LRFN1: variants seen among roughly 807,000 people sequenced by gnomAD.
LRFN1 encodes leucine rich repeat and fibronectin type III domain containing 1, also known as leucine-rich repeat and fibronectin type III domain-containing protein 1.
In LRFN1, 20 loss-of-function variants were observed where a neutral mutation model predicts 31.8. That is an observed-to-expected ratio of 0.63 (90% CI 0.44 to 0.91). The LOEUF is 0.91. LRFN1 is among the 40% of genes least tolerant of loss of function. LRFN1 has a pLI of 0.00. For synonymous variants in LRFN1, 514 were observed against 541.3 expected, an observed-to-expected ratio of 0.95 and a Z score of 0.70; for missense variants, 912 against 1,129.8, an observed-to-expected ratio of 0.81 and a Z score of 2.76.
At position 39,308,629 on chromosome 19, in the gene LRFN1, G is replaced by A; in HGVS notation, c.1407-87C>T. The A allele has an allele frequency of 8.3e-7, 1 of 1,204,578 alleles. No individual in the cohort carries two copies. The highest frequency in any genetic ancestry group is 1.1e-6 in the Non-Finnish European group (1 of 884,546). The allele number at this position is 1,204,578 out of a possible 1,614,324, so 74.6% of individuals were successfully genotyped here. A position where few individuals can be genotyped will look rare whatever the true frequency, so the allele number is the denominator to read the frequency against. ...TGCCCCGCCCATGGTGAACAGTGGG[G>A]ACTAAACCCTGCTATCGAAGTCTCA... On this transcript the variant is annotated intron_variant, in intron 4 of 4. Transcript: ENST00000248668. The surrounding 1 kb of genome is among the most constrained non-coding windows in gnomAD (Gnocchi z 6.2).
intron 1 of LRFN1, among the ~76,000 whole-genome samples, chr19:39,319,953 G>A (rs1239979289): frequency 6.6e-6 from 1 of 151,810 alleles, no homozygotes; most frequent in Non-Finnish European, 1.5e-5. Context: ...CTCTGGCTCC[G>A]TCTGCAGATG....
rs1164967919 is a variant in LRFN1, at chr19:39,306,919, G to C, written c.*714C>G. On this transcript the variant is annotated 3_prime_UTR_variant, in exon 5 of 5. Transcript: ENST00000248668. The stretch of plus-strand genomic sequence containing the variant: ...TTTTGTTCGTGTGGGGATTTATTTG[G>C]GAGAGTCTGGTCCTTCCAGTGGGAC... The C allele has an allele frequency of 1.1e-5, 2 of 176,420 alleles. No individual in the cohort carries two copies. The highest frequency in any genetic ancestry group is 4.7e-5 in the African/African-American group (2 of 42,408). 10.9% of individuals were successfully genotyped at this position (176,420 alleles called of 1,614,324 possible).
At position 39,307,831 on chromosome 19, in the gene LRFN1, G is replaced by A. The variant is rs375012875; in HGVS notation, c.2118C>T (p.Phe706=). 1.1e-4 allele frequency: 172 copies of A among 1,496,580 alleles called. 1 individual carries two copies. The African/African-American group carries it at 2.4e-3, about 21-fold the overall frequency. The allele number at this position is 1,496,580 out of a possible 1,614,324, so 92.7% of individuals were successfully genotyped here. ...ARPRPQQRYS[F]DGDYGALFQS... ...GGAATAGTGCCCCGTAGTCCCCGTC[G>A]AACGAATAGCGCTGCTGCGGCCTCG... The change falls in exon 5 of 5, where the codon TTC becomes TTT. Residue 706 remains phenylalanine (F), a synonymous_variant. Transcript: ENST00000248668. This position sits in a 1 kb window ranked among gnomAD's most constrained non-coding sequence, Gnocchi z 6.7.
chr19:39,310,226 G>A (rs1423275517), intron 4 of LRFN1, among the ~76,000 whole-genome samples: 4 of 152,212 alleles, frequency 2.6e-5, no homozygotes, highest in Non-Finnish European at 5.9e-5. Context: ...CCAAAGTGCT[G>A]GGATTACAGT....
At chr19:39,309,220 C>A (rs935442312) in intron 4 of LRFN1, among the ~76,000 whole-genome samples, 3 of 152,108 alleles carry the variant, frequency 2.0e-5, no homozygotes, top group Admixed American at 6.6e-5. Context: ...CTTTGGAAGG[C>A]TAAGAAGGGT....
intron 4 of LRFN1, among the ~76,000 whole-genome samples, chr19:39,312,026 C>T (rs1314497237): frequency 6.6e-6 from 1 of 152,052 alleles, no homozygotes; most frequent in Non-Finnish European, 1.5e-5. Context: ...CGTGCCACCA[C>T]ATCTGCCTAA....
In LRFN1 at chr19:39,308,677, C is replaced by T. The variant is rs913136770; in HGVS notation, c.1407-135G>A. The T allele has an allele frequency of 1.3e-6, 1 of 782,308 alleles. No individual in the cohort carries two copies. Among genetic ancestry groups the T allele is most frequent in the Non-Finnish European group, 2.0e-6 (1 of 503,030 alleles). 48.5% of individuals were successfully genotyped at this position (782,308 alleles called of 1,614,324 possible). On this transcript the variant is annotated intron_variant, in intron 4 of 4. Coordinates refer to ENST00000248668, the MANE Select transcript of LRFN1 (RefSeq NM_020862.2). The surrounding 1 kb of genome is among the most constrained non-coding windows in gnomAD (Gnocchi z 6.2). ...TCAGCCGCTACTGAGACAACAGCAG[C>T]AATTCAAGCCCCGCCTCCATCAACA... is the stretch of plus-strand genomic sequence containing the variant.
intron 4 of LRFN1, among the ~76,000 whole-genome samples, chr19:39,309,066 C>T (rs1452037459): frequency 2.6e-5 from 4 of 152,216 alleles, no homozygotes; most frequent in South Asian, 2.1e-4. Context: ...ACAATGGATG[C>T]TCTTCTAGTT....
chr19:39,311,875 C>CT (rs562002567), intron 4 of LRFN1, among the ~76,000 whole-genome samples: 7,175 of 100,400 alleles, frequency 0.071, 739 homozygotes, highest in African/African-American at 0.23. Context: ...AAAAGGGAGG[C>CT]TTTTTTTTTT....
intron 1 of LRFN1, among the ~76,000 whole-genome samples, chr19:39,319,454 C>CAA (rs2075181312): frequency 6.6e-6 from 1 of 151,796 alleles, no homozygotes; most frequent in African/African-American, 2.4e-5. Flanking sequence ...CACACACACA[C>CAA]AAAACCACAA....
rs201576239 is a variant in LRFN1 at position 39,314,873 on chromosome 19, G to A, written c.464C>T (p.Ala155Val). ...GNNQIRRVES[A>V]AFDAFLSTVE... The stretch of plus-strand genomic sequence containing the variant: ...GGTGGACAGGAAGGCGTCAAAGGCC[G>A]CCGACTCCACCCGGCGGATCTGGTT... Residue 155 changes from alanine (A) to valine (V), a missense_variant, in exon 4 of 5, where the codon GCG (alanine) becomes GTG (valine). Ala to Val is a moderately conservative substitution (Grantham distance 64). Transcript: ENST00000248668. 7.5e-5 allele frequency: 120 copies of A among 1,609,766 alleles called. No individual in the cohort carries two copies. Among genetic ancestry groups the A allele is most frequent in the Middle Eastern group, 1.6e-4 (1 of 6,082 alleles).
rs754226848 is a variant in LRFN1 at position 39,314,705 on chromosome 19, T to C, written c.632A>G (p.Lys211Arg). 9 of 1,613,292 alleles carry C rather than the reference T, an allele frequency of 5.6e-6. No individual in the cohort carries two copies. Among genetic ancestry groups the C allele is most frequent in the Non-Finnish European group, 6.8e-6 (8 of 1,179,542 alleles). ...GGAGGTCATGTCCAGACGGACCAGC[T>C]TGTGAAGCTGCACGAAGGTCCCCTC... is the stretch of plus-strand genomic sequence containing the variant. ...IAEGTFVQLH[K>R]LVRLDMTSNR... The change falls in exon 4 of 5, where the codon AAG (lysine) becomes AGG (arginine). Residue 211 changes from lysine (K) to arginine (R), a missense_variant. By Grantham distance (26) the Lys-to-Arg change is conservative (BLOSUM62 2). This residue lies in a region of LRFN1 where 401 missense variants were observed against 572.7 expected (regional missense o/e 0.70). Coordinates refer to ENST00000248668, the MANE Select transcript of LRFN1 (RefSeq NM_020862.2).
chr19:39,307,578 G>T lies in LRFN1; in HGVS notation c.*55C>A. 7.4e-7 allele frequency: 1 copy of T among 1,349,392 alleles called. No homozygotes were observed. Among genetic ancestry groups the T allele is most frequent in the Non-Finnish European group, 9.5e-7 (1 of 1,053,354 alleles). 83.6% of individuals were successfully genotyped at this position (1,349,392 alleles called of 1,614,324 possible). ...TTCTCCCAGTCCCGCCCCAGCGTCCGTGCGGCTGGGCGTTTGGTCTGCGGC... is the reference window on the plus strand; with the variant it reads ...TTCTCCCAGTCCCGCCCCAGCGTCCTTGCGGCTGGGCGTTTGGTCTGCGGC... On this transcript the variant is annotated 3_prime_UTR_variant, in exon 5 of 5. Transcript: ENST00000248668. The surrounding 1 kb of genome is among the most constrained non-coding windows in gnomAD (Gnocchi z 6.7).
At position 39,307,600 on chromosome 19, in the gene LRFN1, C is replaced by T. The variant is rs993188357; in HGVS notation, c.*33G>A. 1.0e-5 allele frequency: 14 copies of T among 1,376,788 alleles called. No individual in the cohort carries two copies. The highest frequency in any genetic ancestry group is 1.3e-5 in the Non-Finnish European group (14 of 1,072,432). The allele number at this position is 1,376,788 out of a possible 1,614,324, so 85.3% of individuals were successfully genotyped here. A position where few individuals can be genotyped will look rare whatever the true frequency, so the allele number is the denominator to read the frequency against. ...TCCGTGCGGCTGGGCGTTTGGTCTG[C>T]GGCACCCAGGCGTCCCGGCGCCCGC... On this transcript the variant is annotated 3_prime_UTR_variant, in exon 5 of 5. Transcript: ENST00000248668. This position sits in a 1 kb window ranked among gnomAD's most constrained non-coding sequence, Gnocchi z 6.7.
chr19:39,307,893 T>G lies in LRFN1; in HGVS notation c.2056A>C (p.Thr686Pro). 6.4e-7 allele frequency: 1 copy of G among 1,563,286 alleles called. No homozygotes were observed. The change falls in exon 5 of 5, where the codon ACT becomes CCT. Residue 686 changes from threonine (T) to proline (P), a missense_variant. By Grantham distance (38) the Thr-to-Pro change is conservative. This residue lies in a region of LRFN1 where 511 missense variants were observed against 557.0 expected (regional missense o/e 0.92). Coordinates refer to ENST00000248668, the MANE Select transcript of LRFN1 (RefSeq NM_020862.2). This position sits in a 1 kb window ranked among gnomAD's most constrained non-coding sequence, Gnocchi z 6.7. Reference sequence around the variant, plus strand: ...GCTCCCCCAGGAACTAGAGCTAGAGTAGGGGGCGCCGAGGTTGGTGGCTCC... The same window carrying G: ...GCTCCCCCAGGAACTAGAGCTAGAGGAGGGGGCGCCGAGGTTGGTGGCTCC... ...ALEPPTSAPPTLALVPGGAAA... is the reference protein window; with the variant it reads ...ALEPPTSAPPPLALVPGGAAA...
In LRFN1 at chr19:39,314,062, C is replaced by G. The variant is rs750732648; in HGVS notation, c.1275G>C (p.Glu425Asp). 13 of 1,612,180 alleles carry G rather than the reference C, an allele frequency of 8.1e-6. No individual in the cohort carries two copies. Among genetic ancestry groups the G allele is most frequent in the Non-Finnish European group, 1.1e-5 (13 of 1,179,744 alleles). The change falls in exon 4 of 5, where the codon GAG (glutamate) becomes GAC (aspartate). Residue 425 changes from glutamate (E) to aspartate (D), a missense_variant. Glu to Asp is a conservative substitution (Grantham distance 45). Coordinates refer to ENST00000248668, the MANE Select transcript of LRFN1 (RefSeq NM_020862.2). ...GRPGANDSAA[E>D]RRLVAAELTS... ...TGAGCTCGGCTGCCACGAGCCGACG[C>G]TCAGCCGCAGAATCGTTGGCACCTG...
At chr19:39,312,139 G>C (rs1568568824) in intron 4 of LRFN1, among the ~76,000 whole-genome samples, 1 of 152,014 alleles carries the variant, frequency 6.6e-6, no homozygotes, top group Non-Finnish European at 1.5e-5. Context: ...CAAAATGCTG[G>C]GATTATAGGC....
chr19:39,316,660 A>G (rs1480487606), intron 2 of LRFN1, among the ~76,000 whole-genome samples: 1 of 152,128 alleles, frequency 6.6e-6, no homozygotes, highest in African/African-American at 2.4e-5. Context: ...GCTCCCAAGC[A>G]AGGCAGACTT....
At chr19:39,320,443 C>T (rs1032103473) in intron 1 of LRFN1, among the ~76,000 whole-genome samples, 4 of 151,898 alleles carry the variant, frequency 2.6e-5, no homozygotes, top group Non-Finnish European at 5.9e-5. Context: ...CGCACATGGG[C>T]TTGGGGGGGA....
Sources: gnomAD v4.1 joint callset for allele counts (sites outside exome capture counted in the v4.1 genomes callset) on GRCh38, gnomAD v4.1.1 for gene constraint, gnomAD v4.1.1 regional missense constraint, Gnocchi (gnomAD v3.1) non-coding constraint, MANE v1.5 for transcripts, NCBI Gene and HGNC (gene_info 2026-07-23, HGNC 2026-07-21) for gene names.